Variants in LSM12 observed in about 807,000 individuals in gnomAD.
LSM12 encodes LSM12 homolog.
For missense variants in LSM12, 108 were observed against 238.9 expected, an observed-to-expected ratio of 0.45 and a Z score of 3.61; for synonymous variants, 74 against 87.3, an observed-to-expected ratio of 0.85 and a Z score of 0.85.
chr17:44,065,000 G>C (rs1567964204), intron 1 of LSM12, among the ~76,000 whole-genome samples: 1 of 152,050 alleles, frequency 6.6e-6, no homozygotes, highest in African/African-American at 2.4e-5. Flanking sequence ...GGGCACGGTG[G>C]CGTATGCCTG....
intron 2 of LSM12, among the ~76,000 whole-genome samples, chr17:44,062,849 C>A (rs2049816741): frequency 1.3e-5 from 2 of 151,832 alleles, no homozygotes; most frequent in Non-Finnish European, 1.5e-5. Flanking sequence ...AGAATGAAAC[C>A]CCGTCTCTAC....
chr17:44,046,249 T>C (rs2049562439), intron 2 of LSM12, among the ~76,000 whole-genome samples: 1 of 152,076 alleles, frequency 6.6e-6, no homozygotes, highest in South Asian at 2.1e-4. Flanking sequence ...TTTTACTTTT[T>C]AAAAGTAAAA....
intron 2 of LSM12, among the ~76,000 whole-genome samples, chr17:44,046,591 T>C (rs918008797): frequency 5.4e-5 from 8 of 148,540 alleles, no homozygotes; most frequent in African/African-American, 1.5e-4. Flanking sequence ...CCTGTAGTCC[T>C]AGCTACTCGG....
chr17:44,048,232 A>C (rs1323454985), intron 2 of LSM12, among the ~76,000 whole-genome samples: 1 of 152,126 alleles, frequency 6.6e-6, no homozygotes. Flanking sequence ...TTGTAATCCC[A>C]GCACTTTGGG....
chr17:44,062,916 A>G (rs1053260270), intron 2 of LSM12, among the ~76,000 whole-genome samples: 3 of 152,034 alleles, frequency 2.0e-5, no homozygotes, highest in Admixed American at 6.6e-5. Flanking sequence ...AAAAAAAAAA[A>G]AAATTTGGCC....
At chr17:44,043,978 A>C (rs954581482) in intron 2 of LSM12, among the ~76,000 whole-genome samples, 1 of 152,150 alleles carries the variant, frequency 6.6e-6, no homozygotes, top group Non-Finnish European at 1.5e-5. Flanking sequence ...TGAAAATCCA[A>C]ATCATCTCCG....
At chr17:44,063,287 A>G (rs938381608) in intron 2 of LSM12, among the ~76,000 whole-genome samples, 1 of 152,194 alleles carries the variant, frequency 6.6e-6, no homozygotes, top group Admixed American at 6.5e-5. Flanking sequence ...TATGTGCAAG[A>G]TTAAAATATG....
intron 2 of LSM12, among the ~76,000 whole-genome samples, chr17:44,042,685 C>T (rs2049510862): frequency 6.6e-6 from 1 of 151,836 alleles, no homozygotes; most frequent in African/African-American, 2.4e-5. Flanking sequence ...CTGCCTCAGC[C>T]TCCCGAGTAG....
rs759760571 is a variant in LSM12, at chr17:44,050,400, G to A, written c.259-10144C>T. ...GTTGGGGTTACAGGCATGCGCCACC[G>A]CACCCAGACAAAGCCTTTATTCTTA... is the stretch of plus-strand genomic sequence containing the variant. On this transcript the variant is annotated intron_variant, in intron 2 of 4. Transcript: ENST00000293406. 2.0e-5 allele frequency among the ~76,000 whole-genome samples: 3 copies of A among 151,630 alleles called. 1 individual carries two copies. Among genetic ancestry groups the A allele is most frequent in the Non-Finnish European group, 4.4e-5 (3 of 67,962 alleles).
chr17:44,047,203 G>A (rs1329322266), intron 2 of LSM12, among the ~76,000 whole-genome samples: 4 of 152,040 alleles, frequency 2.6e-5, no homozygotes, highest in Admixed American at 6.6e-5. Context: ...TGTAATTACT[G>A]TATCTTCTCT....
At chr17:44,048,558 TG>T (rs1182704177) in intron 2 of LSM12, among the ~76,000 whole-genome samples, 1 of 150,642 alleles carries the variant, frequency 6.6e-6, no homozygotes, top group Non-Finnish European at 1.5e-5. Flanking sequence ...AATGCAAACA[TG>T]CTAGCTGCTG....
chr17:44,036,183 G>A lies in LSM12; in HGVS notation c.*25C>T. The A allele has an allele frequency of 6.2e-7, 1 of 1,605,048 alleles. No homozygotes were observed. Among genetic ancestry groups the A allele is most frequent in the Non-Finnish European group, 8.5e-7 (1 of 1,175,432 alleles). ...ACCAGCGCCTCCTTGGCTGGATGCT[G>A]GAAGAGTCCTCCATGTGTACGGACT... On this transcript the variant is annotated 3_prime_UTR_variant, in exon 5 of 5. Transcript: ENST00000293406.
At chr17:44,060,251 C>T (rs540686509) in intron 2 of LSM12, among the ~76,000 whole-genome samples, 3 of 152,176 alleles carry the variant, frequency 2.0e-5, no homozygotes, top group Non-Finnish European at 4.4e-5. Context: ...AGTTTTCTTC[C>T]AGACATCCCA....
At chr17:44,043,207 T>C (rs1159579037) in intron 2 of LSM12, among the ~76,000 whole-genome samples, 1 of 152,232 alleles carries the variant, frequency 6.6e-6, no homozygotes, top group Non-Finnish European at 1.5e-5. Context: ...CACGCTGTCA[T>C]TTCAGCCTCC....
chr17:44,042,461 A>T (rs1482415130), intron 2 of LSM12, among the ~76,000 whole-genome samples: 5 of 151,256 alleles, frequency 3.3e-5, no homozygotes, highest in Admixed American at 1.3e-4. Context: ...GTACAATGGC[A>T]CGATCTCAGC....
chr17:44,039,651 G>A (rs2049463172), intron 3 of LSM12, among the ~76,000 whole-genome samples: 1 of 152,004 alleles, frequency 6.6e-6, no homozygotes, highest in Non-Finnish European at 1.5e-5. Flanking sequence ...AAAGTGCTGG[G>A]ATTACAGGCG....
intron 2 of LSM12, among the ~76,000 whole-genome samples, chr17:44,043,018 T>C (rs1471637359): frequency 2.0e-5 from 3 of 152,204 alleles, no homozygotes; most frequent in Non-Finnish European, 4.4e-5. Flanking sequence ...CATAGTTTTA[T>C]AGCAGAGGAA....
At position 44,040,249 on chromosome 17, in the gene LSM12, C is replaced by T; in HGVS notation, c.266G>A (p.Ser89Asn). Residue 89 changes from serine to asparagine, a missense_variant, in exon 3 of 5, where the codon AGC becomes AAC. Physicochemically the swap from Ser to Asn is conservative, Grantham distance 46. Transcript: ENST00000293406. ...CTCCTCCTTCTCTGTCCGTGCTTTGCTGGCAAGCTAGGGTGGAAGAGAGGA... is the reference window on the plus strand; with the variant it reads ...CTCCTCCTTCTCTGTCCGTGCTTTGTTGGCAAGCTAGGGTGGAAGAGAGGA... ...LASLNVSKLASKARTEKEEKL... is the reference protein window; with the variant it reads ...LASLNVSKLANKARTEKEEKL... The T allele has an allele frequency of 3.1e-6, 5 of 1,613,302 alleles. No individual in the cohort carries two copies. Among genetic ancestry groups the T allele is most frequent in the Non-Finnish European group, 4.2e-6 (5 of 1,179,426 alleles).
At chr17:44,062,247 A>G (rs2049807218) in intron 2 of LSM12, among the ~76,000 whole-genome samples, 1 of 146,754 alleles carries the variant, frequency 6.8e-6, no homozygotes, top group Non-Finnish European at 1.5e-5. Context: ...AAAAAAAGCT[A>G]TGAATAGGGT....
Sources: allele counts gnomAD v4.1 joint callset (sites outside exome capture counted in the v4.1 genomes callset), GRCh38; gene constraint gnomAD v4.1.1; transcripts MANE v1.5; gene names NCBI Gene and HGNC (gene_info 2026-07-23, HGNC 2026-07-21).